Variants in CLSTN1 observed in about 807,000 individuals in gnomAD.
CLSTN1 encodes calsyntenin-1.
In CLSTN1, 28 loss-of-function variants were observed where a neutral mutation model predicts 108.3. That is an observed-to-expected ratio of 0.26 (90% CI 0.19 to 0.35). The LOEUF (loss-of-function observed/expected upper bound fraction) is 0.35. Among genes scored for constraint, CLSTN1 ranks in the 10% least tolerant of loss-of-function variants. The pLI is 1.00. For synonymous variants in CLSTN1, 524 were observed against 534.9 expected, an observed-to-expected ratio of 0.98 and a Z score of 0.28; for missense variants, 1,157 against 1,302.6, an observed-to-expected ratio of 0.89 and a Z score of 1.72.
At chr1:9,779,042 G>T (rs896992770) in intron 1 of CLSTN1, among the ~76,000 whole-genome samples, 1 of 150,520 alleles carries the variant, frequency 6.6e-6, no homozygotes, top group Non-Finnish European at 1.5e-5. Context: ...AAAAAAAGAA[G>T]AAGAAGAAGA....
At chr1:9,774,852 C>A (rs1421774681) in intron 1 of CLSTN1, among the ~76,000 whole-genome samples, 2 of 152,116 alleles carry the variant, frequency 1.3e-5, no homozygotes, top group Non-Finnish European at 2.9e-5. Flanking sequence ...ATGGTTATTT[C>A]TTGATTACAC....
intron 4 of CLSTN1, among the ~76,000 whole-genome samples, chr1:9,754,300 G>A (rs1322126363): frequency 1.3e-5 from 2 of 152,074 alleles, no homozygotes; most frequent in African/African-American, 4.8e-5. Context: ...GGTGGCTCAC[G>A]CCTGTAATCC....
intron 1 of CLSTN1, among the ~76,000 whole-genome samples, chr1:9,805,804 T>C (rs1415157232): frequency 3.4e-5 from 5 of 146,594 alleles, no homozygotes; most frequent in Non-Finnish European, 7.5e-5. Flanking sequence ...GAGGCGGAGG[T>C]TGCAGTGAGC....
intron 13 of CLSTN1, 22 bp from the exon 14 acceptor site, chr1:9,735,196 G>A: frequency 6.2e-7 from 1 of 1,612,000 alleles, no homozygotes; most frequent in South Asian, 1.1e-5. Context: ...AAATGGGGAA[G>A]GGTCAGGGCT....
At chr1:9,752,373 G>T (rs1651596952) in intron 4 of CLSTN1, among the ~76,000 whole-genome samples, 1 of 152,192 alleles carries the variant, frequency 6.6e-6, no homozygotes. Flanking sequence ...AATCAGTCAA[G>T]GACTTTGGTC....
At position 9,788,529 on chromosome 1, in the gene CLSTN1, C is replaced by T. The variant is rs1653601439; in HGVS notation, c.92-15135G>A. On this transcript the variant is annotated intron_variant, in intron 1 of 18. Coordinates refer to ENST00000377298, the MANE Select transcript of CLSTN1 (RefSeq NM_001009566.3). ...GTTGCAGTGAGCTGAGATCATGCCACTGTACTCCAGCCTGGGTGACAGAGT... is the reference window on the plus strand; with the variant it reads ...GTTGCAGTGAGCTGAGATCATGCCATTGTACTCCAGCCTGGGTGACAGAGT... Among the ~76,000 whole-genome samples the T allele has an allele frequency of 1.3e-5, 2 of 150,666 alleles. 1 individual carries two copies. Among genetic ancestry groups the T allele is most frequent in the South Asian group, 4.4e-4 (2 of 4,510 alleles).
chr1:9,807,841 C>T (rs1654571842), intron 1 of CLSTN1, among the ~76,000 whole-genome samples: 1 of 152,256 alleles, frequency 6.6e-6, no homozygotes, highest in South Asian at 2.1e-4. Context: ...AGGCTACTCT[C>T]TCCCTCCTTT....
intron 2 of CLSTN1, among the ~76,000 whole-genome samples, chr1:9,772,040 G>C (rs1335261718): frequency 7.1e-6 from 1 of 141,544 alleles, no homozygotes; most frequent in South Asian, 2.3e-4. Context: ...GCAGTGGCGC[G>C]ATCTCGGCTC....
At position 9,739,088 on chromosome 1, in the gene CLSTN1, T is replaced by G. The variant is rs370204793; in HGVS notation, c.1520-1534A>C. Among the ~76,000 whole-genome samples, 20 of 152,348 alleles carry G rather than the reference T, an allele frequency of 1.3e-4. No individual in the cohort carries two copies. The East Asian group carries it at 2.3e-3, about 18-fold the overall frequency. On this transcript the variant is annotated intron_variant, in intron 10 of 18. Coordinates refer to ENST00000377298, the MANE Select transcript of CLSTN1 (RefSeq NM_001009566.3). ...AGTGCAAGGGTCAAGGTGGGAATCA[T>G]GAACCTCTGGGGTAACCTGAGGGTT...
intron 10 of CLSTN1, among the ~76,000 whole-genome samples, chr1:9,738,709 C>T (rs1226333737): frequency 6.6e-6 from 1 of 152,206 alleles, no homozygotes; most frequent in African/African-American, 2.4e-5. Context: ...GGCTGGAGTG[C>T]AGTGGTGTGA....
intron 2 of CLSTN1, among the ~76,000 whole-genome samples, chr1:9,763,017 A>G (rs1652160474): frequency 1.3e-5 from 2 of 151,794 alleles, no homozygotes; most frequent in African/African-American, 4.8e-5. Flanking sequence ...GCTGGAGTGC[A>G]GTGGCACAAC....
intron 1 of CLSTN1, among the ~76,000 whole-genome samples, chr1:9,793,160 G>A (rs1653843331): frequency 6.6e-6 from 1 of 151,158 alleles, no homozygotes; most frequent in South Asian, 2.2e-4. Context: ...CTATAAGCAC[G>A]CGCCACCACA....
In CLSTN1 at chr1:9,733,526, A is replaced by G. The variant is rs762138596; in HGVS notation, c.2302T>C (p.Tyr768His). 6.2e-7 allele frequency: 1 copy of G among 1,614,092 alleles called. No homozygotes were observed. The highest frequency in any genetic ancestry group is 8.5e-7 in the Non-Finnish European group (1 of 1,180,014). ...TFTGVDTMAS[Y>H]EEVLHLLRYR... ...CGCAGCAGGTGCAAAACCTCCTCGT[A>G]GCTGGCCATGGTGTCCACGCCTGCA... The change falls in exon 16 of 19, where the codon TAC becomes CAC. Residue 768 changes from tyrosine to histidine, a missense_variant. Physicochemically the swap from Tyr to His is moderately conservative, Grantham distance 83 (BLOSUM62 2). Coordinates refer to ENST00000377298, the MANE Select transcript of CLSTN1 (RefSeq NM_001009566.3).
intron 2 of CLSTN1, among the ~76,000 whole-genome samples, chr1:9,769,681 T>TAA (rs1652569657): frequency 6.6e-6 from 1 of 152,122 alleles, no homozygotes; most frequent in African/African-American, 2.4e-5. Flanking sequence ...GTTCTGGAGT[T>TAA]AGACAGTGGT....
At chr1:9,811,534 C>T (rs1654754990) in intron 1 of CLSTN1, among the ~76,000 whole-genome samples, 1 of 151,222 alleles carries the variant, frequency 6.6e-6, no homozygotes, top group South Asian at 2.1e-4. Flanking sequence ...TCAAGGTCCC[C>T]TTCCAACTAG....
chr1:9,749,715 C>T, intron 6 of CLSTN1, 49 bp downstream of exon 6: 1 of 1,611,410 alleles, frequency 6.2e-7, no homozygotes, highest in Non-Finnish European at 8.5e-7. Context: ...CTGCCGCATA[C>T]ATCAGTTTTA....
In CLSTN1 at chr1:9,773,210, T is replaced by C. The variant is rs981252954; in HGVS notation, c.214+62A>G. 5.6e-6 allele frequency: 9 copies of C among 1,605,914 alleles called. No individual in the cohort carries two copies. In the African/African-American group the frequency reaches 9.3e-5, roughly 17 times the overall value. On this transcript the variant is annotated intron_variant, in intron 2 of 18. Transcript: ENST00000377298. ...AACGCTCAGCATTACCCAAATGGGA[T>C]GTGCAGAATGCTTCCTGACCAGGCC...
At chr1:9,742,898 T>C (rs958413068) in intron 9 of CLSTN1, among the ~76,000 whole-genome samples, 29 of 151,518 alleles carry the variant, frequency 1.9e-4, no homozygotes, top group Non-Finnish European at 1.0e-4. Flanking sequence ...AAAGCGAGAC[T>C]CAGTCTCGGG....
chr1:9,744,755 A>C, intron 7 of CLSTN1, 112 bp from the exon 8 acceptor site: 4 of 1,280,070 alleles, frequency 3.1e-6, no homozygotes, highest in South Asian at 1.6e-5. Flanking sequence ...GCTCCAGTTT[A>C]CTTTTTTTTT....
Sources: gnomAD v4.1 joint callset for allele counts (sites outside exome capture counted in the v4.1 genomes callset) on GRCh38, gnomAD v4.1.1 for gene constraint, MANE v1.5 for transcripts, NCBI Gene and HGNC (gene_info 2026-07-23, HGNC 2026-07-21) for gene names.